Variants in ARHGAP24 observed in about 807,000 individuals in gnomAD.
The protein encoded by ARHGAP24 is rho GTPase-activating protein 24.
In ARHGAP24, 50 loss-of-function variants were observed where a neutral mutation model predicts 76.4. The observed-to-expected ratio is 0.65, with a 90% CI of 0.52 to 0.83. The LOEUF is 0.83. Ranked by LOEUF, ARHGAP24 falls within the 40% of genes least tolerant of loss-of-function variation. ARHGAP24 has a pLI of 0.00. For missense variants in ARHGAP24, 930 were observed against 914.2 expected, an observed-to-expected ratio of 1.02 and a Z score of -0.22; for synonymous variants, 345 against 323.3, an observed-to-expected ratio of 1.07 and a Z score of -0.72.
chr4:85,625,523 T>C (rs1250792535), intron 2 of ARHGAP24, among the ~76,000 whole-genome samples: 1 of 152,198 alleles, frequency 6.6e-6, no homozygotes, highest in East Asian at 1.9e-4. Context: ...AGGTGTGGTG[T>C]GGAGCTGAAA....
rs866482616 is a variant in ARHGAP24, at chr4:85,541,399, C to T, written c.-20-29123C>T. 4.7e-4 allele frequency among the ~76,000 whole-genome samples: 57 copies of T among 120,862 alleles called. 14 individuals are homozygous for T. Among genetic ancestry groups the T allele is most frequent in the African/African-American group, 3.6e-3 (56 of 15,618 alleles). The allele number at this position is 120,862 out of a possible 152,430, so 79.3% of individuals were successfully genotyped here. ...TGATCTCCTGACCTCGTGATCCGCC[C>T]GCCTCGGCCTCCCAAAGTGCTGGGA... On this transcript the variant is annotated intron_variant, in intron 1 of 9. Transcript: ENST00000395184.
intron 3 of ARHGAP24, among the ~76,000 whole-genome samples, chr4:85,848,684 C>G (rs754891570): frequency 6.6e-6 from 1 of 152,244 alleles, no homozygotes; most frequent in East Asian, 1.9e-4. Context: ...GTTTGCACAA[C>G]GCCATTTATT....
intron 2 of ARHGAP24, among the ~76,000 whole-genome samples, chr4:85,572,440 C>T (rs192935366): frequency 5.1e-4 from 77 of 152,232 alleles, no homozygotes; most frequent in African/African-American, 1.8e-3. Context: ...CTGACATTTG[C>T]ACATTCTCAA....
At chr4:85,778,555 C>T in intron 3 of ARHGAP24, 11 of 638,804 alleles carry the variant, frequency 1.7e-5, no homozygotes, top group Non-Finnish European at 2.1e-5. Context: ...GTTCACCCGG[C>T]TAAATTATAT....
At chr4:85,695,694 A>G (rs1208079409) in intron 2 of ARHGAP24, among the ~76,000 whole-genome samples, 1 of 152,218 alleles carries the variant, frequency 6.6e-6, no homozygotes, top group East Asian at 1.9e-4. Context: ...AGGAAGTCAA[A>G]TAAATTAGAG....
intron 2 of ARHGAP24, among the ~76,000 whole-genome samples, chr4:85,574,074 T>A (rs1373357639): frequency 6.6e-6 from 1 of 152,234 alleles, no homozygotes; most frequent in Non-Finnish European, 1.5e-5. Context: ...AAATATTCAA[T>A]AATCTTAACT....
intron 2 of ARHGAP24, among the ~76,000 whole-genome samples, chr4:85,698,827 A>T (rs546380337): frequency 2.6e-5 from 4 of 152,100 alleles, no homozygotes; most frequent in Non-Finnish European, 4.4e-5. Context: ...TGTAACCCCA[A>T]TGCTGGAGGT....
intron 4 of ARHGAP24, among the ~76,000 whole-genome samples, chr4:85,936,209 A>C (rs558983207): frequency 2.4e-4 from 36 of 152,316 alleles, no homozygotes; most frequent in African/African-American, 7.7e-4. Flanking sequence ...TGATCTGCAG[A>C]CAAGAAGGGA....
At chr4:85,926,320 G>C (rs952194753) in intron 4 of ARHGAP24, among the ~76,000 whole-genome samples, 2 of 152,190 alleles carry the variant, frequency 1.3e-5, no homozygotes, top group African/African-American at 4.8e-5. Flanking sequence ...TAGAAACAAT[G>C]CTTCAAAGAA....
chr4:85,508,302 G>A (rs1724142543), intron 1 of ARHGAP24, among the ~76,000 whole-genome samples: 1 of 151,994 alleles, frequency 6.6e-6, no homozygotes, highest in Non-Finnish European at 1.5e-5. Context: ...TTTTTATTAG[G>A]GAAGATACTG....
At chr4:85,484,063 T>C (rs1419633259) in intron 1 of ARHGAP24, among the ~76,000 whole-genome samples, 7 of 152,260 alleles carry the variant, frequency 4.6e-5, no homozygotes, top group Admixed American at 4.6e-4. Flanking sequence ...CACAGGATGC[T>C]GTCCAGTGTT....
intron 1 of ARHGAP24, among the ~76,000 whole-genome samples, chr4:85,515,004 G>C (rs903898184): frequency 6.6e-6 from 1 of 151,888 alleles, no homozygotes; most frequent in African/African-American, 2.4e-5. Context: ...CTTACGGAGC[G>C]GGGGACTGCC....
intron 2 of ARHGAP24, among the ~76,000 whole-genome samples, chr4:85,661,088 A>T (rs1414958320): frequency 6.6e-6 from 1 of 152,196 alleles, no homozygotes; most frequent in Non-Finnish European, 1.5e-5. Context: ...AACTTAGAAA[A>T]GTCATTAGGA....
chr4:85,909,585 G>T (rs550601336), intron 3 of ARHGAP24, among the ~76,000 whole-genome samples: 2 of 152,210 alleles, frequency 1.3e-5, no homozygotes, highest in Admixed American at 6.5e-5. Context: ...CCCAAACAGC[G>T]ACTGGTTTAC....
intron 2 of ARHGAP24, among the ~76,000 whole-genome samples, chr4:85,642,688 AGT>A (rs147743637): frequency 0.052 from 7,950 of 152,158 alleles, 664 homozygotes; most frequent in African/African-American, 0.18. Context: ...CACCCTTGAG[AGT>A]GTCTGAGCCA....
chr4:85,661,392 G>A (rs563768089), intron 2 of ARHGAP24, among the ~76,000 whole-genome samples: 11 of 152,222 alleles, frequency 7.2e-5, no homozygotes, highest in South Asian at 4.1e-4. Flanking sequence ...ATCTATTACA[G>A]TTTGTTTATT....
At chr4:85,490,981 T>C (rs1723331497) in intron 1 of ARHGAP24, among the ~76,000 whole-genome samples, 1 of 152,236 alleles carries the variant, frequency 6.6e-6, no homozygotes, top group African/African-American at 2.4e-5. Flanking sequence ...CTATTTGCCT[T>C]TGCTTAATAT....
intron 8 of ARHGAP24, among the ~76,000 whole-genome samples, chr4:85,993,839 GC>G (rs1290999554): frequency 2.0e-5 from 3 of 152,112 alleles, no homozygotes; most frequent in Non-Finnish European, 2.9e-5. Flanking sequence ...CTGAGATTCA[GC>G]CATTTTTCTT....
At chr4:85,503,183 T>A (rs542104885) in intron 1 of ARHGAP24, among the ~76,000 whole-genome samples, 273 of 152,300 alleles carry the variant, frequency 1.8e-3, no homozygotes, top group Non-Finnish European at 3.4e-3. Flanking sequence ...AATTCTCTTT[T>A]TTGTTGTGTC....
Sources: gnomAD v4.1 joint callset for allele counts (sites outside exome capture counted in the v4.1 genomes callset) on GRCh38, gnomAD v4.1.1 for gene constraint, MANE v1.5 for transcripts, NCBI Gene and HGNC (gene_info 2026-07-23, HGNC 2026-07-21) for gene names.